DCAF6: variants seen among roughly 807,000 people sequenced by gnomAD.
DCAF6 encodes DDB1- and CUL4-associated factor 6.
Under a neutral mutation model 125.1 loss-of-function variants are expected in DCAF6, and 54 were observed. That is an observed-to-expected ratio of 0.43 (90% confidence interval 0.35 to 0.54). The LOEUF (loss-of-function observed/expected upper bound fraction) is 0.54, where lower values mean the gene tolerates loss of function less well. DCAF6 is among the 20% of genes least tolerant of loss of function. DCAF6 has a pLI of 0.01. For synonymous variants in DCAF6, 371 were observed against 390.4 expected (o/e 0.95, Z 0.58); for missense variants, 934 against 1,161.7 (o/e 0.80, Z 2.85).
chr1:168,073,019 C>G (rs1468362439), intron 21 of DCAF6, among the ~76,000 whole-genome samples: 1 of 151,890 alleles, frequency 6.6e-6, no homozygotes, highest in East Asian at 1.9e-4. Flanking sequence ...CTACTAAAAA[C>G]AAAAAAATCA....
chr1:168,065,254 A>G (rs373685438), intron 18 of DCAF6, among the ~76,000 whole-genome samples: 1 of 152,122 alleles, frequency 6.6e-6, no homozygotes, highest in African/African-American at 2.4e-5. Flanking sequence ...ACTTACTGCC[A>G]TCTTACCCTT....
chr1:167,875,023 T>A, the DCAF6 span: 1 of 952,640 alleles, frequency 1.0e-6, no homozygotes, highest in Non-Finnish European at 1.7e-6. Context: ...ATGATTATAT[T>A]TTCATTTTGT....
chr1:167,927,801 A>C, the DCAF6 span, among the ~76,000 whole-genome samples: 1 of 152,234 alleles, frequency 6.6e-6, no homozygotes, highest in Non-Finnish European at 1.5e-5. Flanking sequence ...CAACTGAAAA[A>C]ACTTCAAACA....
At chr1:167,870,295 A>G in the DCAF6 span, 1 of 1,614,024 alleles carries the variant, frequency 6.2e-7, no homozygotes, top group Non-Finnish European at 8.5e-7. Flanking sequence ...CAATTTTCAT[A>G]AGTATCTGGC....
At chr1:167,943,002 G>T (rs1033427942) in intron 1 of DCAF6, among the ~76,000 whole-genome samples, 11 of 152,234 alleles carry the variant, frequency 7.2e-5, no homozygotes, top group African/African-American at 2.6e-4. Context: ...CGCCTCCTGG[G>T]TTCACACCAT....
At chr1:168,073,967 GA>G (rs1424054717) in intron 21 of DCAF6, among the ~76,000 whole-genome samples, 1 of 142,824 alleles carries the variant, frequency 7.0e-6, no homozygotes, top group Non-Finnish European at 1.5e-5. Context: ...AATATGTATT[GA>G]ATACATATTT....
At chr1:167,970,481 G>C (rs1273824653) in intron 3 of DCAF6, among the ~76,000 whole-genome samples, 1 of 152,134 alleles carries the variant, frequency 6.6e-6, no homozygotes. Flanking sequence ...GTGAGACTCT[G>C]TCTCTACAAA....
intron 19 of DCAF6, among the ~76,000 whole-genome samples, chr1:168,066,064 T>C (rs1468721954): frequency 3.9e-5 from 6 of 152,232 alleles, no homozygotes; most frequent in African/African-American, 1.4e-4. Context: ...AGTCTTCACA[T>C]AGCTGAATTA....
At chr1:167,893,825 A>C in the DCAF6 span, 1 of 1,541,218 alleles carries the variant, frequency 6.5e-7, no homozygotes, top group Non-Finnish European at 9.0e-7. Flanking sequence ...GACATCCCCA[A>C]AGCCAGTAAA....
the DCAF6 span, chr1:167,870,297 G>A: frequency 2.5e-6 from 4 of 1,613,886 alleles, no homozygotes; most frequent in Middle Eastern, 1.6e-4. Context: ...ATTTTCATAA[G>A]TATCTGGCTT....
chr1:168,004,400 C>T (rs1683060314), intron 9 of DCAF6, 133 bp from the exon 10 acceptor site: 2 of 1,002,402 alleles, frequency 2.0e-6, no homozygotes, highest in East Asian at 2.5e-5. Flanking sequence ...GGCCAAATCA[C>T]CAGTAGTTAT....
At chr1:168,036,441 A>G (rs1687816011) in intron 12 of DCAF6, among the ~76,000 whole-genome samples, 1 of 151,508 alleles carries the variant, frequency 6.6e-6, no homozygotes, top group African/African-American at 2.5e-5. Flanking sequence ...ATAAACAGCA[A>G]AACATTTATA....
chr1:167,873,849 C>T, the DCAF6 span, among the ~76,000 whole-genome samples: 1 of 152,110 alleles, frequency 6.6e-6, no homozygotes, highest in African/African-American at 2.4e-5. Flanking sequence ...AATTTGATTA[C>T]ATTAAAGTTA....
intron 13 of DCAF6, among the ~76,000 whole-genome samples, chr1:168,041,198 T>C (rs73028106): frequency 0.032 from 4,897 of 152,144 alleles, 192 homozygotes; most frequent in African/African-American, 0.094. Context: ...AAGGCCCTCA[T>C]TGATTGTTAG....
intron 1 of DCAF6, among the ~76,000 whole-genome samples, chr1:167,951,363 T>C (rs1673910965): frequency 6.6e-6 from 1 of 152,026 alleles, no homozygotes; most frequent in Non-Finnish European, 1.5e-5. Flanking sequence ...TCAGTTGAGG[T>C]GAGGAGTTTG....
In DCAF6 at chr1:168,050,873, A is replaced by G. The variant is rs1689824487; in HGVS notation, c.2259-19A>G. 3 of 1,324,114 alleles carry G rather than the reference A, an allele frequency of 2.3e-6. No homozygotes were observed. The highest frequency in any genetic ancestry group is 9.9e-7 in the Non-Finnish European group (1 of 1,005,738). The allele number at this position is 1,324,114 out of a possible 1,614,324, so 82.0% of individuals were successfully genotyped here. On this transcript the variant is annotated intron_variant, in intron 16 of 21. Coordinates refer to ENST00000367840, the MANE Select transcript of DCAF6 (RefSeq NM_001198956.2). ...GAAGTCTTTGTAAGTGATTTCAGTT[A>G]TTGTGTTCCCTTCACTAGATTTAAT...
At chr1:168,034,337 A>G (rs1469691276) in intron 12 of DCAF6, among the ~76,000 whole-genome samples, 1 of 152,162 alleles carries the variant, frequency 6.6e-6, no homozygotes, top group African/African-American at 2.4e-5. Context: ...CAACATAGTG[A>G]GACTCCATCT....
the DCAF6 span, among the ~76,000 whole-genome samples, chr1:167,916,533 T>C: frequency 6.6e-6 from 1 of 151,442 alleles, no homozygotes; most frequent in Non-Finnish European, 1.5e-5. Context: ...GATTAAAAAA[T>C]TGGATAGATT....
chr1:168,008,582 T>G (rs1683693746), intron 10 of DCAF6, among the ~76,000 whole-genome samples: 1 of 152,170 alleles, frequency 6.6e-6, no homozygotes, highest in Non-Finnish European at 1.5e-5. Flanking sequence ...TTTTAACATG[T>G]TAAATCAGAT....
Sources: gnomAD v4.1 joint callset for allele counts (sites outside exome capture counted in the v4.1 genomes callset) on GRCh38, gnomAD v4.1.1 for gene constraint, MANE v1.5 for transcripts, NCBI Gene and HGNC (gene_info 2026-07-23, HGNC 2026-07-21) for gene names.